Variants in TTC7B observed in about 807,000 individuals in gnomAD.
The protein encoded by TTC7B is tetratricopeptide repeat domain 7B.
A neutral mutation model predicts 106.8 loss-of-function variants in TTC7B; 28 were observed. The ratio of observed to expected loss-of-function variants is 0.26; its 90% CI spans 0.19 to 0.36. The LOEUF (loss-of-function observed/expected upper bound fraction) is 0.36, where lower values mean the gene tolerates loss of function less well. Among genes scored for constraint, TTC7B ranks in the 10% least tolerant of loss-of-function variants. The pLI is 1.00. For synonymous variants in TTC7B, 405 were observed against 430.6 expected, an observed-to-expected ratio of 0.94 and a Z score of 0.74; for missense variants, 862 against 1,076.4, an observed-to-expected ratio of 0.80 and a Z score of 2.79.
At chr14:90,696,411 C>T (rs1887750338) in intron 5 of TTC7B, among the ~76,000 whole-genome samples, 1 of 152,208 alleles carries the variant, frequency 6.6e-6, no homozygotes, top group African/African-American at 2.4e-5. Flanking sequence ...TGACATAACT[C>T]GGCGATATTT....
At chr14:90,696,511 C>T (rs1444052640) in intron 5 of TTC7B, among the ~76,000 whole-genome samples, 6 of 152,106 alleles carry the variant, frequency 3.9e-5, no homozygotes, top group East Asian at 1.9e-4. Flanking sequence ...CTCTGCAGGC[C>T]GTGGCAGATG....
At chr14:90,682,170 T>C (rs375272026) in intron 7 of TTC7B, among the ~76,000 whole-genome samples, 12 of 152,256 alleles carry the variant, frequency 7.9e-5, no homozygotes, top group African/African-American at 2.9e-4. Context: ...TCCAGACCAA[T>C]TGAAAAGACA....
In TTC7B at chr14:90,644,179, T is replaced by C. The variant is rs758413326; in HGVS notation, c.1620A>G (p.Gln540=). 18 of 1,609,814 alleles carry C rather than the reference T, an allele frequency of 1.1e-5. No homozygotes were observed. Among genetic ancestry groups the C allele is most frequent in the Non-Finnish European group, 1.4e-5 (16 of 1,178,428 alleles). Residue 540 remains glutamine (Q), a synonymous_variant, in exon 15 of 20, where the codon CAA becomes CAG. Transcript: ENST00000328459. ...CATCGTCACCTTGAAGCTGAAGAGC[T>C]TGGCGGACATACCCCAGAGCCTCTG... ...QIPEALGYVR[Q]ALQLQGDDAN... is the part of the protein sequence containing the mutation.
chr14:90,784,866 T>G (rs1891334519), intron 2 of TTC7B, among the ~76,000 whole-genome samples: 1 of 152,190 alleles, frequency 6.6e-6, no homozygotes, highest in East Asian at 1.9e-4. Flanking sequence ...CTGTGTCCCG[T>G]GCATACAACA....
Position 90,644,193 on chromosome 14 carries a change from C to A in TTC7B, c.1606G>T (p.Gly536Trp). The A allele has an allele frequency of 1.9e-6, 3 of 1,597,220 alleles. No individual in the cohort carries two copies. Among genetic ancestry groups the A allele is most frequent in the Non-Finnish European group, 2.6e-6 (3 of 1,174,052 alleles). Residue 536 changes from glycine to tryptophan, a missense_variant, in exon 15 of 20, where the codon GGG becomes TGG. Gly to Trp is a radical substitution (Grantham distance 184). Transcript: ENST00000328459. The stretch of plus-strand genomic sequence containing the variant: ...AGCTGAAGAGCTTGGCGGACATACC[C>A]CAGAGCCTCTGGGATCTGGTTTAAA... ...AISRQIPEAL[G>W]YVRQALQLQG... is the part of the protein sequence containing the mutation.
At position 90,816,161 on chromosome 14, in the gene TTC7B, C is replaced by T. The variant is rs754494825; in HGVS notation, c.121+14G>A. On this transcript the variant is annotated intron_variant, in intron 1 of 19. Coordinates refer to ENST00000328459, the MANE Select transcript of TTC7B (RefSeq NM_001010854.2). The stretch of plus-strand genomic sequence containing the variant: ...GCGCCCCCCGCAGCCCAGGCCGGCG[C>T]GCCCGGAGCGTACCGTTGGCGATGA... 9.8e-6 allele frequency: 12 copies of T among 1,220,132 alleles called. No individual in the cohort carries two copies. The South Asian group carries it at 1.3e-4, about 13-fold the overall frequency. The allele number at this position is 1,220,132 out of a possible 1,614,324, so 75.6% of individuals were successfully genotyped here.
At chr14:90,781,430 T>C (rs890123760) in intron 2 of TTC7B, among the ~76,000 whole-genome samples, 3 of 152,018 alleles carry the variant, frequency 2.0e-5, no homozygotes, top group African/African-American at 7.2e-5. Flanking sequence ...AATGGGTGAG[T>C]TGTATGGTAT....
chr14:90,652,759 T>A, intron 13 of TTC7B, 82 bp downstream of exon 13: 7 of 1,510,914 alleles, frequency 4.6e-6, no homozygotes, highest in Non-Finnish European at 6.4e-6. Context: ...TACATAATCT[T>A]TATAAATATC....
At chr14:90,559,041 A>G (rs780786130) in intron 19 of TTC7B, among the ~76,000 whole-genome samples, 1 of 152,228 alleles carries the variant, frequency 6.6e-6, no homozygotes, top group Non-Finnish European at 1.5e-5. Flanking sequence ...ATCAGTTACC[A>G]CTTCAATATG....
intron 1 of TTC7B, among the ~76,000 whole-genome samples, chr14:90,798,691 C>G (rs1269446421): frequency 3.7e-5 from 4 of 109,094 alleles, no homozygotes; most frequent in African/African-American, 1.4e-4. Flanking sequence ...GTCTGGGCGA[C>G]AGAGTGAGAC....
At chr14:90,775,629 C>G (rs909887087) in intron 3 of TTC7B, among the ~76,000 whole-genome samples, 1 of 152,116 alleles carries the variant, frequency 6.6e-6, no homozygotes, top group Non-Finnish European at 1.5e-5. Flanking sequence ...CACCTGGGCA[C>G]AGAGGTTACT....
chr14:90,546,005 C>T (rs1460349171), intron 19 of TTC7B, among the ~76,000 whole-genome samples: 1 of 152,228 alleles, frequency 6.6e-6, no homozygotes, highest in Non-Finnish European at 1.5e-5. Flanking sequence ...GCTGGAGCTG[C>T]TTAGGGAGAC....
intron 3 of TTC7B, among the ~76,000 whole-genome samples, chr14:90,769,102 A>G (rs1227990413): frequency 6.6e-6 from 1 of 152,208 alleles, no homozygotes. Context: ...GCTGGTATAC[A>G]TTTAAGTTAG....
chr14:90,655,175 GC>G, intron 11 of TTC7B, 65 bp from the exon 12 acceptor site: 1 of 1,217,380 alleles, frequency 8.2e-7, no homozygotes, highest in African/African-American at 1.5e-5. Flanking sequence ...GTTCCCATAA[GC>G]GTCTGCTGCC....
At position 90,540,618 on chromosome 14, in the gene TTC7B, C is replaced by T. The variant is rs1566758510; in HGVS notation, c.*750G>A. The T allele has an allele frequency of 1.3e-5, 2 of 153,734 alleles. No individual in the cohort carries two copies. The highest frequency in any genetic ancestry group is 1.9e-4 in the East Asian group (1 of 5,194). The allele number at this position is 153,734 out of a possible 1,614,324, so 9.5% of individuals were successfully genotyped here. The stretch of plus-strand genomic sequence containing the variant: ...TTAAAAATCATTTTATTATTAACAT[C>T]ATCTTCCCATGTAGCCAAGTGTCTG... On this transcript the variant is annotated 3_prime_UTR_variant, in exon 20 of 20. Transcript: ENST00000328459.
chr14:90,593,780 G>T, intron 17 of TTC7B, 154 bp from the exon 18 acceptor site: 1 of 682,772 alleles, frequency 1.5e-6, no homozygotes, highest in Non-Finnish European at 2.2e-6. Flanking sequence ...GGCAATCACG[G>T]CCCGGGGCCT....
intron 3 of TTC7B, among the ~76,000 whole-genome samples, chr14:90,751,001 T>C (rs1270084890): frequency 6.6e-6 from 1 of 152,224 alleles, no homozygotes; most frequent in Non-Finnish European, 1.5e-5. Flanking sequence ...ATGGACAAAA[T>C]TGGTCCCCAT....
rs769662937 is a variant in TTC7B, at chr14:90,755,684, CAAAA to C, written c.446-10766_446-10763del. ...TAAAAAAAACAAAAAAACAAACAAA[CAAAA>C]AAAAAAAACAAGAAAATGTCTGGGC... On this transcript the variant is annotated intron_variant, in intron 3 of 19. Coordinates refer to ENST00000328459, the MANE Select transcript of TTC7B (RefSeq NM_001010854.2). 3.5e-3 allele frequency among the ~76,000 whole-genome samples: 521 copies of C among 149,200 alleles called. 1 individual carries two copies. Among genetic ancestry groups the C allele is most frequent in the Non-Finnish European group, 6.1e-3 (405 of 66,876 alleles).
At chr14:90,605,804 T>C in intron 17 of TTC7B, 1 of 1,179,298 alleles carries the variant, frequency 8.5e-7, no homozygotes, top group Non-Finnish European at 1.1e-6. Flanking sequence ...AAAAAAAAAC[T>C]TTAGAAACAC....
Sources: gnomAD v4.1 joint callset for allele counts (sites outside exome capture counted in the v4.1 genomes callset) on GRCh38, gnomAD v4.1.1 for gene constraint, MANE v1.5 for transcripts, NCBI Gene and HGNC (gene_info 2026-07-23, HGNC 2026-07-21) for gene names.